PRKCD: variants seen among roughly 807,000 people sequenced by gnomAD.
PRKCD encodes the protein protein kinase C delta, also known as protein kinase C delta type.
A neutral mutation model predicts 82.2 loss-of-function variants in PRKCD; 20 were observed. That is an observed-to-expected ratio of 0.24 (90% CI 0.17 to 0.35). The LOEUF (loss-of-function observed/expected upper bound fraction) is 0.35, where lower values mean the gene tolerates loss of function less well. Among genes scored for constraint, PRKCD ranks in the 10% least tolerant of loss-of-function variants. The pLI is 1.00. For missense variants in PRKCD, 607 were observed against 899.0 expected (o/e 0.68, Z 4.15); for synonymous variants, 317 against 337.0 (o/e 0.94, Z 0.65).
At chr3:53,164,691 G>T (rs533222461) in intron 1 of PRKCD, among the ~76,000 whole-genome samples, 1 of 152,154 alleles carries the variant, frequency 6.6e-6, no homozygotes, top group Non-Finnish European at 1.5e-5. Context: ...GGGAGAAGAG[G>T]CTAGTAGTTT....
intron 14 of PRKCD, among the ~76,000 whole-genome samples, chr3:53,187,059 ATGTGTG>A (rs145524309): frequency 6.6e-6 from 1 of 151,048 alleles, no homozygotes; most frequent in African/African-American, 2.4e-5. Context: ...CTAACCGTGT[ATGTGTG>A]TGTGTGTGTG....
chr3:53,183,016 C>T (rs1224449427), intron 7 of PRKCD, 105 bp from the exon 8 acceptor site: 19 of 1,146,514 alleles, frequency 1.7e-5, no homozygotes, highest in Middle Eastern at 2.0e-4. Context: ...GTCAGGAGAA[C>T]GGTGGCTTTG....
At position 53,189,232 on chromosome 3, in the gene PRKCD, G is replaced by A. The variant is rs782155110; in HGVS notation, c.1729G>A (p.Asp577Asn). Residue 577 changes from aspartate (D) to asparagine (N), a missense_variant, in exon 17 of 19, where the codon GAC becomes AAC. By Grantham distance (23) the Asp-to-Asn change is conservative. Around this residue, in one of 5 missense-constraint regions of PRKCD, gnomAD observed 251 missense variants for 423.9 expected, o/e 0.59. Transcript: ENST00000330452. ...YPRWITKESK[D>N]ILEKLFEREP... ...CCGCTGGATCACCAAGGAGTCCAAG[G>A]ACATCCTGGAGAAGGTGGAGGCCCT... 3 of 1,561,352 alleles carry A rather than the reference G, an allele frequency of 1.9e-6. No individual in the cohort carries two copies. Among genetic ancestry groups the A allele is most frequent in the South Asian group, 1.1e-5 (1 of 90,322 alleles).
chr3:53,172,033 G>A (rs1553665021), intron 2 of PRKCD, among the ~76,000 whole-genome samples: 1 of 152,014 alleles, frequency 6.6e-6, no homozygotes, highest in Admixed American at 6.5e-5. Context: ...AGGAGCGCTG[G>A]CTGGGGGATG....
chr3:53,175,893 T>G (rs1209551287), intron 2 of PRKCD, among the ~76,000 whole-genome samples: 1 of 152,200 alleles, frequency 6.6e-6, no homozygotes, highest in African/African-American at 2.4e-5. Flanking sequence ...ATGTCCATCT[T>G]GCTTACGGGT....
rs1409550336 is a variant in PRKCD at position 53,192,342 on chromosome 3, T to C, written c.*76T>C. On this transcript the variant is annotated 3_prime_UTR_variant, in exon 19 of 19. Coordinates refer to ENST00000330452, the MANE Select transcript of PRKCD (RefSeq NM_006254.4). ...TCCCCACGATAAGCACCAGTGGGAC[T>C]GTGGTGACTTCTGCTGCTGGCCCCG... 1.3e-6 allele frequency: 2 copies of C among 1,543,034 alleles called. No homozygotes were observed. The highest frequency in any genetic ancestry group is 1.4e-5 in the African/African-American group (1 of 73,268).
chr3:53,185,582 C>T (rs1703644726), intron 10 of PRKCD, 22 bp from the exon 11 acceptor site: 4 of 1,606,964 alleles, frequency 2.5e-6, no homozygotes, highest in Non-Finnish European at 2.6e-6. Flanking sequence ...CATCTGGCCC[C>T]CCACCTCTGC....
In PRKCD at chr3:53,179,662, C is replaced by A; in HGVS notation, c.201C>A (p.Arg67=). The A allele has an allele frequency of 6.2e-7, 1 of 1,613,704 alleles. No homozygotes were observed. Among genetic ancestry groups the A allele is most frequent in the Non-Finnish European group, 8.5e-7 (1 of 1,179,788 alleles). The change falls in exon 4 of 19, where the codon CGC becomes CGA. Residue 67 remains arginine (R), a synonymous_variant. Transcript: ENST00000330452. ...TCGATGCCCACATCTATGAGGGGCG[C>A]GTCATCCAGATTGTGCTAATGCGGG... ...STFDAHIYEG[R]VIQIVLMRAA...
At chr3:53,172,813 C>T (rs553459396) in intron 2 of PRKCD, among the ~76,000 whole-genome samples, 28 of 152,328 alleles carry the variant, frequency 1.8e-4, no homozygotes, top group African/African-American at 5.5e-4. Flanking sequence ...CACACCTCCC[C>T]GCCAGCAGCC....
chr3:53,190,491 A>C (rs981867935), intron 18 of PRKCD, among the ~76,000 whole-genome samples: 7 of 152,166 alleles, frequency 4.6e-5, no homozygotes, highest in Non-Finnish European at 5.9e-5. Flanking sequence ...GTCTGTCAGC[A>C]GGAACCCAGG....
intron 2 of PRKCD, among the ~76,000 whole-genome samples, 200 bp downstream of exon 2, chr3:53,165,415 C>T (rs1489983618): frequency 6.6e-6 from 1 of 152,232 alleles, no homozygotes; most frequent in Non-Finnish European, 1.5e-5. Context: ...GAACTTCCTG[C>T]CTAACCTGGC....
intron 2 of PRKCD, among the ~76,000 whole-genome samples, chr3:53,175,814 AG>A (rs1406650622): frequency 6.6e-6 from 1 of 152,226 alleles, no homozygotes; most frequent in Non-Finnish European, 1.5e-5. Context: ...TTCCAGACCC[AG>A]GGAGCACTCA....
At chr3:53,189,271 C>G in intron 17 of PRKCD, 25 bp downstream of exon 17, 9 of 574,774 alleles carry the variant, frequency 1.6e-5, no homozygotes, top group East Asian at 4.7e-5. Context: ...CTGGGCTGGG[C>G]TGGTCTGGGC....
chr3:53,183,311 C>T, intron 8 of PRKCD, 105 bp downstream of exon 8: 1 of 1,569,672 alleles, frequency 6.4e-7, no homozygotes, highest in South Asian at 1.1e-5. Flanking sequence ...CCTCCCTCCC[C>T]ATTTTTCTTA....
chr3:53,170,564 A>G (rs1448449631), intron 2 of PRKCD, among the ~76,000 whole-genome samples: 5 of 152,092 alleles, frequency 3.3e-5, no homozygotes, highest in Admixed American at 3.3e-4. Flanking sequence ...TGACCAGCCC[A>G]CTCCTTCCCT....
At chr3:53,183,020 G>A (rs942427880) in intron 7 of PRKCD, 101 bp from the exon 8 acceptor site, 1 of 1,197,892 alleles carries the variant, frequency 8.3e-7, no homozygotes, top group African/African-American at 1.5e-5. Flanking sequence ...GGAGAACGGT[G>A]GCTTTGTGTA....
chr3:53,161,722 C>G (rs879992154), intron 1 of PRKCD: 2 of 152,252 alleles, frequency 1.3e-5, no homozygotes, highest in African/African-American at 4.8e-5. Context: ...GACTCTCTCC[C>G]GGGCCCTGTG....
At chr3:53,170,321 G>A (rs1311229747) in intron 2 of PRKCD, among the ~76,000 whole-genome samples, 1 of 152,204 alleles carries the variant, frequency 6.6e-6, no homozygotes, top group African/African-American at 2.4e-5. Context: ...TTGGCTTTGT[G>A]GCTTTGGTTG....
intron 4 of PRKCD, among the ~76,000 whole-genome samples, chr3:53,180,426 G>A (rs1703393029): frequency 6.6e-6 from 1 of 152,236 alleles, no homozygotes; most frequent in South Asian, 2.1e-4. Flanking sequence ...CAAGCATGTG[G>A]CCACTTGGCC....
Sources: allele counts gnomAD v4.1 joint callset (sites outside exome capture counted in the v4.1 genomes callset), GRCh38; gene constraint gnomAD v4.1.1; regional missense constraint gnomAD v4.1.1; transcripts MANE v1.5; gene names NCBI Gene and HGNC (gene_info 2026-07-23, HGNC 2026-07-21).